Variants in OPCML observed in about 807,000 individuals in gnomAD.
OPCML encodes the protein opioid binding protein/cell adhesion molecule like.
OPCML carries 13 observed loss-of-function variants against 37.8 expected under a neutral mutation model. The ratio of observed to expected loss-of-function variants is 0.34; its 90% confidence interval spans 0.22 to 0.55. The LOEUF (loss-of-function observed/expected upper bound fraction) is 0.55. Among genes scored for constraint, OPCML ranks in the 20% least tolerant of loss-of-function variants. OPCML has a pLI of 0.91. For synonymous variants in OPCML, 176 were observed against 168.8 expected, an observed-to-expected ratio of 1.04 and a Z score of -0.33; for missense variants, 341 against 435.6, an observed-to-expected ratio of 0.78 and a Z score of 1.93.
chr11:133,024,874 A>G, intron 1 of OPCML: 1 of 985,364 alleles, frequency 1.0e-6, no homozygotes, highest in Non-Finnish European at 1.2e-6. Flanking sequence ...TATGCCAGTG[A>G]TTTTCCAAAA....
At chr11:133,028,934 A>G (rs1018360190) in intron 1 of OPCML, among the ~76,000 whole-genome samples, 4 of 152,110 alleles carry the variant, frequency 2.6e-5, no homozygotes, top group African/African-American at 9.7e-5. Context: ...AACAACCTAC[A>G]GAATGGGAAA....
intron 4 of OPCML, among the ~76,000 whole-genome samples, chr11:132,503,671 A>G (rs918828404): frequency 1.3e-5 from 2 of 152,232 alleles, no homozygotes; most frequent in Non-Finnish European, 2.9e-5. Flanking sequence ...CATTATAACT[A>G]GTACAAAAAC....
Position 133,115,439 on chromosome 11 carries a change from T to G in OPCML, c.62-172429A>C, listed in dbSNP as rs528201587. Among the ~76,000 whole-genome samples, 24 of 152,292 alleles carry G rather than the reference T, an allele frequency of 1.6e-4. No individual in the cohort carries two copies. The South Asian group carries it at 4.8e-3, about 30-fold the overall frequency. ...CCGGAGTAGATTCAGTGCCTAGAAT[T>G]TCTACGGAAGCCACCTGAGAAGAAA... On this transcript the variant is annotated intron_variant, in intron 1 of 7. Transcript: ENST00000524381.
At chr11:133,120,343 G>A (rs1299857461) in intron 1 of OPCML, among the ~76,000 whole-genome samples, 1 of 152,070 alleles carries the variant, frequency 6.6e-6, no homozygotes, top group Admixed American at 6.5e-5. Context: ...TACTTACAAA[G>A]CAGCTAAAAT....
chr11:133,269,754 C>G (rs1027361241), intron 1 of OPCML, among the ~76,000 whole-genome samples: 1 of 152,154 alleles, frequency 6.6e-6, no homozygotes, highest in Non-Finnish European at 1.5e-5. Context: ...ATCTCTCTAA[C>G]TAGGGAAGCA....
At chr11:132,923,926 G>A (rs1944899657) in intron 2 of OPCML, among the ~76,000 whole-genome samples, 2 of 151,994 alleles carry the variant, frequency 1.3e-5, no homozygotes, top group Non-Finnish European at 1.5e-5. Flanking sequence ...ACTACGCCCA[G>A]CTAATTTTGT....
In OPCML at chr11:132,665,471, G is replaced by A. The variant is rs191840772; in HGVS notation, c.147-8152C>T. On this transcript the variant is annotated intron_variant, in intron 2 of 7. Coordinates refer to ENST00000524381, the MANE Select transcript of OPCML (RefSeq NM_001012393.5). ...CTCAGAACAGAGTATCTGATGCCGG[G>A]AAGGAAAATGAAAGGAGTGATTTAT... Among the ~76,000 whole-genome samples the A allele has an allele frequency of 5.9e-5, 9 of 152,268 alleles. No individual in the cohort carries two copies. The East Asian group carries it at 1.7e-3, about 29-fold the overall frequency.
chr11:132,737,137 T>G (rs1211590285), intron 2 of OPCML, among the ~76,000 whole-genome samples: 1 of 152,184 alleles, frequency 6.6e-6, no homozygotes, highest in Non-Finnish European at 1.5e-5. Context: ...ACAGACTGCC[T>G]AGTCTCCAAA....
At chr11:133,388,769 A>G (rs1371661582) in intron 1 of OPCML, among the ~76,000 whole-genome samples, 1 of 152,208 alleles carries the variant, frequency 6.6e-6, no homozygotes, top group Non-Finnish European at 1.5e-5. Flanking sequence ...GTTATCATAT[A>G]AGGATAGCTT....
chr11:132,628,763 G>T (rs1939900667), intron 3 of OPCML, among the ~76,000 whole-genome samples: 1 of 152,090 alleles, frequency 6.6e-6, no homozygotes, highest in Non-Finnish European at 1.5e-5. Flanking sequence ...GAATGAGGGG[G>T]GGCAGTTACC....
intron 2 of OPCML, among the ~76,000 whole-genome samples, chr11:132,669,129 G>T (rs1330549966): frequency 2.0e-5 from 3 of 152,098 alleles, no homozygotes; most frequent in Admixed American, 1.3e-4. Flanking sequence ...GCAGAATTCA[G>T]TTGGCCCACA....
At chr11:132,649,585 AT>A (rs1941325207) in intron 3 of OPCML, among the ~76,000 whole-genome samples, 1 of 152,082 alleles carries the variant, frequency 6.6e-6, no homozygotes, top group South Asian at 2.1e-4. Flanking sequence ...TATAGAGGGT[AT>A]TCTGGACAGT....
chr11:132,618,954 TACACAC>T (rs6144570), intron 3 of OPCML, among the ~76,000 whole-genome samples: 2,606 of 145,496 alleles, frequency 0.018, 31 homozygotes, highest in Middle Eastern at 0.049. Context: ...AGCACACGCA[TACACAC>T]ACACACACAC....
chr11:133,356,895 T>G (rs1348244472), intron 1 of OPCML, among the ~76,000 whole-genome samples: 1 of 152,190 alleles, frequency 6.6e-6, no homozygotes, highest in Non-Finnish European at 1.5e-5. Flanking sequence ...TCCAAGGACT[T>G]TTCTGCAGAA....
intron 1 of OPCML, among the ~76,000 whole-genome samples, chr11:133,513,184 GT>G (rs1394442843): frequency 4.0e-5 from 6 of 150,838 alleles, no homozygotes; most frequent in Non-Finnish European, 4.4e-5. Context: ...AAAAAAAATG[GT>G]TTCTCACACC....
In OPCML at chr11:132,612,827, G is replaced by T. The variant is rs116531796; in HGVS notation, c.379+44260C>A. ...CCTTGGTAGATGGTTGGGCTCTGCA[G>T]TCCGGTCACCTATTTTCTGCTATTC... is the stretch of plus-strand genomic sequence containing the variant. On this transcript the variant is annotated intron_variant, in intron 3 of 7. Coordinates refer to ENST00000524381, the MANE Select transcript of OPCML (RefSeq NM_001012393.5). Among the ~76,000 whole-genome samples the T allele has an allele frequency of 5.8e-3, 878 of 152,248 alleles. 2 individuals are homozygous for T. The highest frequency in any genetic ancestry group is 0.014 in the Middle Eastern group (4 of 294).
rs960024106 is a variant in OPCML at position 132,522,123 on chromosome 11, C to T, written c.505+6938G>A. 1.3e-4 allele frequency among the ~76,000 whole-genome samples: 20 copies of T among 152,204 alleles called. 1 individual carries two copies. Among genetic ancestry groups the T allele is most frequent in the Admixed American group, 6.5e-5 (1 of 15,278 alleles). On this transcript the variant is annotated intron_variant, in intron 4 of 7. Transcript: ENST00000524381. Reference sequence around the variant, plus strand: ...CAACTCTTCTTATTCATCACAATGCCTTTCAGGTCCATCCAAGTTGTCAAA... The same window carrying T: ...CAACTCTTCTTATTCATCACAATGCTTTTCAGGTCCATCCAAGTTGTCAAA...
At chr11:132,875,815 T>C (rs1942989452) in intron 2 of OPCML, among the ~76,000 whole-genome samples, 1 of 152,090 alleles carries the variant, frequency 6.6e-6, no homozygotes, top group African/African-American at 2.4e-5. Context: ...CCGTGCTGGG[T>C]GGTGCCTTTT....
chr11:132,949,016 G>T (rs1031094622), intron 1 of OPCML, among the ~76,000 whole-genome samples: 7 of 152,192 alleles, frequency 4.6e-5, no homozygotes, highest in South Asian at 2.1e-4. Context: ...TTGAGAATAG[G>T]AATCCTTGCC....
Sources: allele counts gnomAD v4.1 joint callset (sites outside exome capture counted in the v4.1 genomes callset), GRCh38; gene constraint gnomAD v4.1.1; transcripts MANE v1.5; gene names NCBI Gene and HGNC (gene_info 2026-07-23, HGNC 2026-07-21).